POLR2F: variants seen among roughly 807,000 people sequenced by gnomAD.
POLR2F encodes DNA-directed RNA polymerases I, II, and III subunit RPABC2.
Under a neutral mutation model 22.7 loss-of-function variants are expected in POLR2F, and 12 were observed. The observed-to-expected ratio is 0.53, with a 90% CI of 0.34 to 0.86. The LOEUF is 0.86. POLR2F is among the 40% of genes least tolerant of loss of function. The pLI is 0.02. For synonymous variants in POLR2F, 57 were observed against 66.0 expected (o/e 0.86, Z 0.66); for missense variants, 126 against 171.5 (o/e 0.73, Z 1.48).
At chr22:37,966,306 C>T (rs532924169) in intron 3 of POLR2F, among the ~76,000 whole-genome samples, 134 of 151,994 alleles carry the variant, frequency 8.8e-4, no homozygotes, top group African/African-American at 3.1e-3. Flanking sequence ...GAAAGTAGCA[C>T]GGGACTGTGC....
At position 37,953,733 on chromosome 22, in the gene POLR2F, T is replaced by C; in HGVS notation, c.-55T>C. 6.3e-7 allele frequency: 1 copy of C among 1,589,860 alleles called. No homozygotes were observed. Among genetic ancestry groups the C allele is most frequent in the Non-Finnish European group, 8.5e-7 (1 of 1,172,326 alleles). On this transcript the variant is annotated 5_prime_UTR_variant, in exon 1 of 5. Coordinates refer to ENST00000442738, the MANE Select transcript of POLR2F (RefSeq NM_021974.5). Reference sequence around the variant, plus strand: ...GCCGCGCGAGTCGTAGTGTCGCTGTTTGCGGGTCTCCGCGCGGGACCGGGG... The same window carrying C: ...GCCGCGCGAGTCGTAGTGTCGCTGTCTGCGGGTCTCCGCGCGGGACCGGGG...
At position 37,969,175 on chromosome 22, in the gene POLR2F, G is replaced by A; in HGVS notation, c.*1460G>A. ...TGGGGGTTAACCCTTAGGGGATAGAGTGCAAGGGAAATGGGACAGAAGGGG... is the reference window on the plus strand; with the variant it reads ...TGGGGGTTAACCCTTAGGGGATAGAATGCAAGGGAAATGGGACAGAAGGGG... On this transcript the variant is annotated 3_prime_UTR_variant, in exon 5 of 5. Transcript: ENST00000442738. The A allele has an allele frequency of 1.0e-6, 1 of 985,400 alleles. No individual in the cohort carries two copies. Among genetic ancestry groups the A allele is most frequent in the South Asian group, 4.7e-5 (1 of 21,292 alleles). 61.0% of individuals were successfully genotyped at this position (985,400 alleles called of 1,614,324 possible). A position where few individuals can be genotyped will look rare whatever the true frequency, so the allele number is the denominator to read the frequency against.
At chr22:38,003,711 G>T (rs899488824) in intron 1 of POLR2F, among the ~76,000 whole-genome samples, 15 of 151,774 alleles carry the variant, frequency 9.9e-5, no homozygotes, top group African/African-American at 3.6e-4. Context: ...CAAGTAGCTG[G>T]GATTACTGGT....
At chr22:37,983,848 C>T (rs1932488145), upstream of POLR2F, 1 of 1,308,684 alleles carries the variant, frequency 7.6e-7, no homozygotes, top group African/African-American at 1.6e-5. This position sits in a 1 kb window ranked among gnomAD's most constrained non-coding sequence, Gnocchi z 9.5. Flanking sequence ...CCGGGGTCCT[C>T]GCAAAGAGTC....
chr22:37,973,609 C>T (rs201755707), downstream of POLR2F: 2 of 1,613,476 alleles, frequency 1.2e-6, no homozygotes, highest in Non-Finnish European at 1.7e-6. Flanking sequence ...GCTGCGAGGG[C>T]CCCATATAGG....
chr22:37,968,623 G>A lies in POLR2F; in HGVS notation c.*908G>A. The A allele has an allele frequency of 2.0e-6, 2 of 985,568 alleles. No individual in the cohort carries two copies. Among genetic ancestry groups the A allele is most frequent in the Non-Finnish European group, 2.4e-6 (2 of 830,016 alleles). 61.1% of individuals were successfully genotyped at this position (985,568 alleles called of 1,614,324 possible). On this transcript the variant is annotated 3_prime_UTR_variant, in exon 5 of 5. Coordinates refer to ENST00000442738, the MANE Select transcript of POLR2F (RefSeq NM_021974.5). ...GCTTACCCAACCTGAGGTAAGACCA[G>A]TCACACTGGCTCCTCCCTCCTAGAG...
At chr22:38,027,388 A>G (rs1389455839), downstream of POLR2F, among the ~76,000 whole-genome samples, 1 of 152,104 alleles carries the variant, frequency 6.6e-6, no homozygotes, top group Non-Finnish European at 1.5e-5. Context: ...CATGTGGGGC[A>G]GGGGTCAAGA....
At chr22:38,005,298 T>A (rs1308957889) in intron 1 of POLR2F, among the ~76,000 whole-genome samples, 1 of 152,214 alleles carries the variant, frequency 6.6e-6, no homozygotes, top group Non-Finnish European at 1.5e-5. Flanking sequence ...AATTTTTGTT[T>A]TGTTTTAGTA....
intron 1 of POLR2F, among the ~76,000 whole-genome samples, chr22:37,991,468 C>G (rs1569174480): frequency 6.6e-6 from 1 of 152,192 alleles, no homozygotes; most frequent in African/African-American, 2.4e-5. Flanking sequence ...AAAAGAGATG[C>G]ATTGCCTCTA....
intron 2 of POLR2F, 100 bp from the exon 3 acceptor site, chr22:37,959,246 C>T (rs962790968): frequency 5.7e-6 from 7 of 1,222,790 alleles, no homozygotes; most frequent in African/African-American, 1.5e-5. Context: ...TAAGCATTAA[C>T]GGTGGCTGTA....
chr22:37,969,688 G>T (rs1207493901), downstream of POLR2F, among the ~76,000 whole-genome samples: 2 of 152,332 alleles, frequency 1.3e-5, no homozygotes, highest in East Asian at 3.9e-4. Flanking sequence ...AGGGTGGGTT[G>T]TAAAGATTAT....
intron 1 of POLR2F, among the ~76,000 whole-genome samples, chr22:37,991,144 T>A (rs1932718845): frequency 6.6e-6 from 1 of 152,170 alleles, no homozygotes; most frequent in Non-Finnish European, 1.5e-5. Flanking sequence ...CTATTATTAT[T>A]TGAGACTGGC....
chr22:38,004,335 G>A (rs1455344892), intron 1 of POLR2F, among the ~76,000 whole-genome samples: 1 of 152,174 alleles, frequency 6.6e-6, no homozygotes, highest in Non-Finnish European at 1.5e-5. Context: ...GTATTAGGAT[G>A]GGTCGTAGGG....
chr22:38,010,653 G>T (rs8139496), intron 1 of POLR2F, among the ~76,000 whole-genome samples: 3,261 of 108,224 alleles, frequency 0.03, 131 homozygotes, highest in African/African-American at 0.11. Flanking sequence ...GTCTTGCTGT[G>T]TCACCCAGGC....
intron 1 of POLR2F, among the ~76,000 whole-genome samples, chr22:37,999,223 T>C (rs1601898818): frequency 2.0e-5 from 3 of 151,894 alleles, no homozygotes; most frequent in Admixed American, 1.3e-4. Context: ...CAGCCTGGGG[T>C]CCTGAGTTGT....
chr22:38,007,458 G>A (rs2084831527), intron 1 of POLR2F, among the ~76,000 whole-genome samples: 1 of 152,240 alleles, frequency 6.6e-6, no homozygotes, highest in African/African-American at 2.4e-5. Flanking sequence ...GAGGGATGTG[G>A]CTAAGGTTGA....
rs143043825 is a variant in POLR2F at position 38,019,906 on chromosome 22, C to T, written c.121-5963C>T. On this transcript the variant is annotated intron_variant, in intron 1 of 2. Transcript: ENST00000333418. ...GCGCATGCCTGTAATCCCAGCTACT[C>T]GGGAGGCTGAGGCAGAAGAATCACT... is the stretch of plus-strand genomic sequence containing the variant. Among the ~76,000 whole-genome samples, 1,471 of 151,974 alleles carry T rather than the reference C, an allele frequency of 9.7e-3. 27 individuals carry two copies. Among genetic ancestry groups the T allele is most frequent in the African/African-American group, 0.034 (1,423 of 41,434 alleles).
chr22:38,003,586 T>A (rs1474601247), intron 1 of POLR2F, among the ~76,000 whole-genome samples: 1 of 151,106 alleles, frequency 6.6e-6, no homozygotes, highest in Non-Finnish European at 1.5e-5. Context: ...TATTTTTTTT[T>A]TTTTCTTTTT....
exon 3 of POLR2F, chr22:38,026,607 C>G (rs1013664673): frequency 2.0e-5 from 6 of 299,290 alleles, no homozygotes; most frequent in Admixed American, 1.8e-4. Flanking sequence ...CTCCCTGGAA[C>G]TTCCCTGCAG....
Sources: allele counts gnomAD v4.1 joint callset (sites outside exome capture counted in the v4.1 genomes callset), GRCh38; gene constraint gnomAD v4.1.1; non-coding constraint Gnocchi (gnomAD v3.1); transcripts MANE v1.5; gene names NCBI Gene and HGNC (gene_info 2026-07-23, HGNC 2026-07-21).